The following LIMA1 variants were observed in gnomAD, a reference collection of about 807,000 sequenced individuals.
LIMA1 encodes LIM domain and actin-binding protein 1.
Under a neutral mutation model 62.6 loss-of-function variants are expected in LIMA1, and 52 were observed. The ratio of observed to expected loss-of-function variants is 0.83; its 90% CI spans 0.67 to 1.05. The LOEUF (loss-of-function observed/expected upper bound fraction) is 1.05, where lower values mean the gene tolerates loss of function less well. Ranked by LOEUF, LIMA1 falls within the 50% of genes least tolerant of loss-of-function variation. LIMA1 has a pLI of 0.00. For missense variants in LIMA1, 780 were observed against 902.2 expected (o/e 0.86, Z 1.74); for synonymous variants, 302 against 317.8 (o/e 0.95, Z 0.53).
Position 50,192,508 on chromosome 12 carries a change from T to A in LIMA1, c.1084A>T (p.Ser362Cys). 6.2e-7 allele frequency: 1 copy of A among 1,614,154 alleles called. No homozygotes were observed. The highest frequency in any genetic ancestry group is 1.6e-4 in the Middle Eastern group (1 of 6,062). ...VQQPVHPKPL[S>C]PDSRASSLSE... ...AGACTGGAGGCTCTGGAATCTGGAC[T>A]TAGTGGCTTGGGATGGACAGGCTGT... The change falls in exon 9 of 11, where the codon AGT becomes TGT. Residue 362 changes from serine (S) to cysteine (C), a missense_variant. Coordinates refer to ENST00000341247, the MANE Select transcript of LIMA1 (RefSeq NM_016357.5).
chr12:50,182,162 T>G, intron 9 of LIMA1, 125 bp from the exon 10 acceptor site: 1 of 974,842 alleles, frequency 1.0e-6, no homozygotes, highest in South Asian at 1.6e-5. Context: ...CATGGAGCAC[T>G]AAACCTGCTA....
intron 4 of LIMA1, chr12:50,220,580 G>A (rs1246879022): frequency 6.6e-6 from 1 of 152,202 alleles, no homozygotes; most frequent in Non-Finnish European, 1.5e-5. Context: ...TGTGTGTACT[G>A]GCATGACATC....
intron 1 of LIMA1, among the ~76,000 whole-genome samples, chr12:50,251,854 C>T (rs1941935474): frequency 1.3e-5 from 2 of 152,138 alleles, no homozygotes; most frequent in Admixed American, 6.6e-5. Context: ...GACTCTCACC[C>T]TGACCACACT....
chr12:50,280,954 C>G (rs114202366), intron 1 of LIMA1, among the ~76,000 whole-genome samples: 3,091 of 152,246 alleles, frequency 0.02, 106 homozygotes, highest in African/African-American at 0.071. Flanking sequence ...AAATTACTAA[C>G]TTAGGACTCG....
intron 2 of LIMA1, among the ~76,000 whole-genome samples, chr12:50,241,997 A>G (rs368013581): frequency 1.2e-5 from 1 of 81,872 alleles, no homozygotes; most frequent in Non-Finnish European, 2.3e-5. Context: ...TTTTCTTTAC[A>G]TAAGGAATTT....
At chr12:50,249,578 A>G (rs1328345953) in intron 1 of LIMA1, 1 of 152,190 alleles carries the variant, frequency 6.6e-6, no homozygotes. Flanking sequence ...CTTTCAGCCA[A>G]AGAATACATA....
At chr12:50,189,321 C>T (rs1288921965) in intron 9 of LIMA1, 1 of 152,190 alleles carries the variant, frequency 6.6e-6, no homozygotes, top group African/African-American at 2.4e-5. Context: ...CTGATGTCCC[C>T]TCCTCTTCAT....
chr12:50,252,513 G>A (rs1941943050), intron 1 of LIMA1, among the ~76,000 whole-genome samples: 1 of 150,832 alleles, frequency 6.6e-6, no homozygotes, highest in Non-Finnish European at 1.5e-5. Context: ...CCTGGGAGGC[G>A]GAGGTTGCAG....
chr12:50,271,489 CAT>C (rs1942211594), intron 1 of LIMA1, among the ~76,000 whole-genome samples: 2 of 152,148 alleles, frequency 1.3e-5, no homozygotes, highest in Non-Finnish European at 2.9e-5. Context: ...TAAGGGCAAA[CAT>C]AATCCAACGA....
At chr12:50,213,594 C>T (rs1490018776) in intron 4 of LIMA1, among the ~76,000 whole-genome samples, 2 of 152,150 alleles carry the variant, frequency 1.3e-5, no homozygotes, top group Non-Finnish European at 2.9e-5. Flanking sequence ...ATTTTGATAG[C>T]GATTTCTCAC....
In LIMA1 at chr12:50,178,964, A is replaced by ATTTTTT. The variant is rs555323460; in HGVS notation, c.1275-896_1275-895insAAAAAA. On this transcript the variant is annotated intron_variant, in intron 10 of 10. Coordinates refer to ENST00000341247, the MANE Select transcript of LIMA1 (RefSeq NM_016357.5). ...GGTATATAAATACATATATATATATATATTTTTTTTTTCTTTTTCTTTTCT... is the reference window on the plus strand; with the variant it reads ...GGTATATAAATACATATATATATATATTTTTTTATTTTTTTTTTCTTTTTCTTTTCT... Among the ~76,000 whole-genome samples, 329 of 92,224 alleles carry ATTTTTT rather than the reference A, an allele frequency of 3.6e-3. 2 individuals are homozygous for ATTTTTT. The East Asian group carries it at 0.047, about 13-fold the overall frequency. 60.5% of individuals were successfully genotyped at this position (92,224 alleles called of 152,430 possible).
chr12:50,274,755 C>T (rs2111988), intron 1 of LIMA1, among the ~76,000 whole-genome samples: 48,779 of 151,940 alleles, frequency 0.32, 8,113 homozygotes, highest in South Asian at 0.48. Context: ...CAGGGAAGGC[C>T]TCATTGAGTG....
intron 8 of LIMA1, among the ~76,000 whole-genome samples, chr12:50,193,489 T>C (rs1304580808): frequency 2.2e-5 from 3 of 137,126 alleles, no homozygotes; most frequent in African/African-American, 8.0e-5. Flanking sequence ...ATATATAGTA[T>C]ATATATATCA....
intron 1 of LIMA1, among the ~76,000 whole-genome samples, chr12:50,265,789 G>C (rs990472775): frequency 3.3e-5 from 5 of 151,910 alleles, no homozygotes; most frequent in Admixed American, 2.0e-4. Flanking sequence ...GCTTTGTAAG[G>C]TTCTTGTGCA....
chr12:50,271,800 C>A (rs1354502366), intron 1 of LIMA1, among the ~76,000 whole-genome samples: 1 of 152,160 alleles, frequency 6.6e-6, no homozygotes, highest in Non-Finnish European at 1.5e-5. Context: ...CAATAAATAT[C>A]TGTTATATGA....
Position 50,222,234 on chromosome 12 carries a change from C to T in LIMA1, c.417G>A (p.Gln139=), listed in dbSNP as rs368285252. The change falls in exon 4 of 11, where the codon CAG becomes CAA. Residue 139 remains glutamine, a synonymous_variant. Coordinates refer to ENST00000341247, the MANE Select transcript of LIMA1 (RefSeq NM_016357.5). ...CGTCCTTGATGTGGGGATATCGACC[C>T]TGAACGAGGGCTTCAGGAGGTGACC... ...RLRSPPEALV[Q]GRYPHIKDGE... 4 of 1,614,164 alleles carry T rather than the reference C, an allele frequency of 2.5e-6. No individual in the cohort carries two copies. Among genetic ancestry groups the T allele is most frequent in the Non-Finnish European group, 2.5e-6 (3 of 1,180,024 alleles).
At chr12:50,228,164 G>A (rs1941560868) in intron 3 of LIMA1, among the ~76,000 whole-genome samples, 1 of 152,010 alleles carries the variant, frequency 6.6e-6, no homozygotes. Context: ...GGCCTGATAT[G>A]GTACTTATCA....
chr12:50,243,921 T>C (rs1218780760), intron 2 of LIMA1, among the ~76,000 whole-genome samples: 2 of 150,198 alleles, frequency 1.3e-5, no homozygotes, highest in Non-Finnish European at 3.0e-5. Context: ...ATATATTTCT[T>C]TTTTTTTTTC....
At chr12:50,196,851 C>T (rs1382803988) in intron 7 of LIMA1, among the ~76,000 whole-genome samples, 2 of 152,190 alleles carry the variant, frequency 1.3e-5, no homozygotes, top group African/African-American at 4.8e-5. Context: ...TAAACCGGTA[C>T]AATCACAGCC....
Sources: gnomAD v4.1 joint callset for allele counts (sites outside exome capture counted in the v4.1 genomes callset) on GRCh38, gnomAD v4.1.1 for gene constraint, MANE v1.5 for transcripts, NCBI Gene and HGNC (gene_info 2026-07-23, HGNC 2026-07-21) for gene names.